SETD6: variants seen among roughly 807,000 people sequenced by gnomAD.
The protein encoded by SETD6 is N-lysine methyltransferase SETD6.
SETD6 carries 67 observed loss-of-function variants against 52.7 expected under a neutral mutation model. The observed-to-expected ratio is 1.27, with a 90% CI of 1.04 to 1.56. The LOEUF is 1.56. SETD6 is among the 40% of genes most tolerant of loss of function. The probability of loss-of-function intolerance (pLI) is 0.00; values close to 1 mark genes in which losing one functional copy is unlikely to be tolerated. For synonymous variants in SETD6, 307 were observed against 250.2 expected, an observed-to-expected ratio of 1.23 and a Z score of -2.14; for missense variants, 712 against 607.5, an observed-to-expected ratio of 1.17 and a Z score of -1.81.
At chr16:58,517,898 T>C in intron 5 of SETD6, 153 bp from the exon 6 acceptor site, 1 of 881,316 alleles carries the variant, frequency 1.1e-6, no homozygotes, top group Non-Finnish European at 1.7e-6. Flanking sequence ...TTTCACAGTT[T>C]AGGGTCTAAC....
In SETD6 at chr16:58,523,315, AG is replaced by A; in HGVS notation, c.*4287del. On this transcript the variant is annotated 3_prime_UTR_variant, in exon 8 of 8. Coordinates refer to ENST00000219315, the MANE Select transcript of SETD6 (RefSeq NM_001160305.4). ...TGAAAGCATAAAGAGGAAAAAAAAA[AG>A]ATGAAAGGGAGGAGATCCTTTTGAA... 1 of 1,514,044 alleles carries A rather than the reference AG, an allele frequency of 6.6e-7. No homozygotes were observed. The highest frequency in any genetic ancestry group is 8.9e-7 in the Non-Finnish European group (1 of 1,126,420). 93.8% of individuals were successfully genotyped at this position (1,514,044 alleles called of 1,614,324 possible). A position where few individuals can be genotyped will look rare whatever the true frequency, so the allele number is the denominator to read the frequency against.
chr16:58,516,881 A>T lies in SETD6; in HGVS notation c.745A>T (p.Ile249Leu). 2.5e-6 allele frequency: 4 copies of T among 1,614,212 alleles called. No homozygotes were observed. In the South Asian group the frequency reaches 4.4e-5, roughly 18 times the overall value. Residue 249 changes from isoleucine to leucine, a missense_variant, in exon 5 of 8, where the codon ATA (isoleucine) becomes TTA (leucine). Transcript: ENST00000219315. The part of the protein sequence containing the change: ...NSPVMVPAAD[I>L]LNHLANHNAN... ...CCCCGTGATGGTGCCTGCTGCAGACATACTAAACCACTTAGCCAATCACAA... is the reference window on the plus strand; with the variant it reads ...CCCCGTGATGGTGCCTGCTGCAGACTTACTAAACCACTTAGCCAATCACAA...
At chr16:58,516,126 G>C in intron 2 of SETD6, 29 bp downstream of exon 2, 1 of 1,135,170 alleles carries the variant, frequency 8.8e-7, no homozygotes, top group Non-Finnish European at 1.1e-6. Flanking sequence ...TAGGGCCCTG[G>C]GGCGGGGCGG....
chr16:58,516,111 C>A lies in SETD6; in HGVS notation c.334+14C>A, dbSNP rs1335934481. On this transcript the variant is annotated intron_variant, in intron 2 of 7. Transcript: ENST00000219315. ...TGCTGGAGCGAGGTGGGCACGGCGG[C>A]GGGCTAGGGCCCTGGGGCGGGGCGG... The A allele has an allele frequency of 1.5e-5, 12 of 816,466 alleles. No individual in the cohort carries two copies. The South Asian group carries it at 3.1e-4, about 21-fold the overall frequency. The allele number at this position is 816,466 out of a possible 1,614,324, so 50.6% of individuals were successfully genotyped here.
At chr16:58,517,895 G>A (rs1052240648) in intron 5 of SETD6, 156 bp from the exon 6 acceptor site, 2 of 870,370 alleles carry the variant, frequency 2.3e-6, no homozygotes, top group South Asian at 1.7e-5. Flanking sequence ...TTGTTTCACA[G>A]TTTAGGGTCT....
chr16:58,518,498 G>T lies in SETD6; in HGVS notation c.1071G>T (p.Gly357=). Residue 357 remains glycine, a synonymous_variant, in exon 7 of 8, where the codon GGG becomes GGT. Coordinates refer to ENST00000219315, the MANE Select transcript of SETD6 (RefSeq NM_001160305.4). The part of the protein sequence containing the change: ...MVGEEGAFVI[G]REEVLTEEEL... Reference sequence around the variant, plus strand: ...GGGAAGAGGGAGCCTTTGTGATAGGGAGGGAGGAGGTGCTGACTGAAGAGG... The same window carrying T: ...GGGAAGAGGGAGCCTTTGTGATAGGTAGGGAGGAGGTGCTGACTGAAGAGG... 1 of 1,592,730 alleles carries T rather than the reference G, an allele frequency of 6.3e-7. No individual in the cohort carries two copies. The highest frequency in any genetic ancestry group is 8.5e-7 in the Non-Finnish European group (1 of 1,175,220).
rs375646324 is a variant in SETD6, at chr16:58,518,032, C to T, written c.793-19C>T. ...TGGCCCGTGAAAGGCATGGCCCCAGCTTCTCCCTTTCACCTCAGAATTGTC... is the reference window on the plus strand; with the variant it reads ...TGGCCCGTGAAAGGCATGGCCCCAGTTTCTCCCTTTCACCTCAGAATTGTC... On this transcript the variant is annotated intron_variant, in intron 5 of 7. Transcript: ENST00000219315. 272 of 1,614,110 alleles carry T rather than the reference C, an allele frequency of 1.7e-4. 4 individuals are homozygous for T. Among genetic ancestry groups the T allele is most frequent in the South Asian group, 1.2e-3 (108 of 91,084 alleles).
chr16:58,515,756 G>C (rs1190234041), intron 1 of SETD6, 35 bp from the exon 2 acceptor site: 2 of 1,433,108 alleles, frequency 1.4e-6, no homozygotes, highest in Admixed American at 2.8e-5. Flanking sequence ...GCCTCTCTGG[G>C]GGTCGGACCT....
chr16:58,521,158 C>T lies in SETD6; in HGVS notation c.*2129C>T, dbSNP rs762690637. On this transcript the variant is annotated 3_prime_UTR_variant, in exon 8 of 8. Coordinates refer to ENST00000219315, the MANE Select transcript of SETD6 (RefSeq NM_001160305.4). ...TTCAGTCTCCAGTCTCATTCCTAGA[C>T]AATTAAAAATTACTTTGAACTCACT... 1.9e-6 allele frequency: 3 copies of T among 1,612,918 alleles called. No homozygotes were observed.
Position 58,516,474 on chromosome 16 carries a change from G to A in SETD6, c.477-4G>A. 1 of 1,613,906 alleles carries A rather than the reference G, an allele frequency of 6.2e-7. No individual in the cohort carries two copies. On this transcript the variant is annotated splice_polypyrimidine_tract_variant and splice_region_variant and intron_variant, in intron 3 of 7. Transcript: ENST00000219315. ...AGGGAACCTGGGTGTGGGTGTCCCTGCAGGCCAGAGGAGGAGCGCCGGTGC... is the reference window on the plus strand; with the variant it reads ...AGGGAACCTGGGTGTGGGTGTCCCTACAGGCCAGAGGAGGAGCGCCGGTGC...
In SETD6 at chr16:58,515,818, C is replaced by G. The variant is rs914072542; in HGVS notation, c.55C>G (p.Leu19Val). Residue 19 changes from leucine to valine, a missense_variant, in exon 2 of 8, where the codon CTG becomes GTG. Transcript: ENST00000219315. ...GGCGGGGCCCGTGGACGGCGGCGAC[C>G]TGGATCCTGTGGCCTGCTTCCTGAG... ...RVAGPVDGGD[L>V]DPVACFLSWC... The G allele has an allele frequency of 1.3e-6, 2 of 1,535,142 alleles. No individual in the cohort carries two copies. Among genetic ancestry groups the G allele is most frequent in the Non-Finnish European group, 1.7e-6 (2 of 1,150,034 alleles).
rs1473560414 is a variant in SETD6, at chr16:58,520,195, T to C, written c.*1166T>C. ...AATTAATTAATGAGATTTGGTTCCCTTTCCTATATTCCCACTGTTTTTAAG... is the reference window on the plus strand; with the variant it reads ...AATTAATTAATGAGATTTGGTTCCCCTTCCTATATTCCCACTGTTTTTAAG... On this transcript the variant is annotated 3_prime_UTR_variant, in exon 8 of 8. Transcript: ENST00000219315. 1.3e-5 allele frequency: 2 copies of C among 152,168 alleles called. No homozygotes were observed. The highest frequency in any genetic ancestry group is 4.8e-5 in the African/African-American group (2 of 41,420). The allele number at this position is 152,168 out of a possible 1,614,324, so 9.4% of individuals were successfully genotyped here. A position where few individuals can be genotyped will look rare whatever the true frequency, so the allele number is the denominator to read the frequency against.
In SETD6 at chr16:58,516,269, G is replaced by A; in HGVS notation, c.402G>A (p.Gln134=). Residue 134 remains glutamine, a synonymous_variant, in exon 3 of 8, where the codon CAG becomes CAA. Transcript: ENST00000219315. ...PLLLALLHEL[Q]APASRWRPYF... is the part of the protein sequence containing the mutation. ...TGCTGGCGCTGCTCCACGAGCTGCAGGCCCCGGCCTCACGCTGGAGGCCCT... is the reference window on the plus strand; with the variant it reads ...TGCTGGCGCTGCTCCACGAGCTGCAAGCCCCGGCCTCACGCTGGAGGCCCT... 1.2e-6 allele frequency: 2 copies of A among 1,602,000 alleles called. No homozygotes were observed. The highest frequency in any genetic ancestry group is 1.8e-4 in the Middle Eastern group (1 of 5,456).
chr16:58,517,535 G>A (rs543587731), intron 5 of SETD6: 2 of 180,648 alleles, frequency 1.1e-5, no homozygotes, highest in Non-Finnish European at 2.4e-5. Flanking sequence ...GTGCAGTGGC[G>A]TGATCTCGGC....
Position 58,519,638 on chromosome 16 carries a change from A to ATTTTC in SETD6, c.*613_*617dup, listed in dbSNP as rs1049475992. On this transcript the variant is annotated 3_prime_UTR_variant, in exon 8 of 8. Coordinates refer to ENST00000219315, the MANE Select transcript of SETD6 (RefSeq NM_001160305.4). ...TAAGTTTTTAAATACGTATCTACTC[A>ATTTTC]TTTTCTTTAAAAAAAAAAAAAAAAT... 4 of 128,088 alleles carry ATTTTC rather than the reference A, an allele frequency of 3.1e-5. No individual in the cohort carries two copies. Among genetic ancestry groups the ATTTTC allele is most frequent in the African/African-American group, 1.0e-4 (4 of 38,272 alleles). 7.9% of individuals were successfully genotyped at this position (128,088 alleles called of 1,614,324 possible).
At position 58,521,658 on chromosome 16, in the gene SETD6, G is replaced by C. The variant is rs945415306; in HGVS notation, c.*2629G>C. 1.3e-5 allele frequency among the ~76,000 whole-genome samples: 2 copies of C among 152,202 alleles called. No individual in the cohort carries two copies. Among genetic ancestry groups the C allele is most frequent in the Non-Finnish European group, 2.9e-5 (2 of 68,032 alleles). On this transcript the variant is annotated 3_prime_UTR_variant, in exon 8 of 8. Coordinates refer to ENST00000219315, the MANE Select transcript of SETD6 (RefSeq NM_001160305.4). Reference sequence around the variant, plus strand: ...TTAGTACAAAAAGTAGTAATTTCCAGAATGAGCTCCCAGGCCGGGCACAGT... The same window carrying C: ...TTAGTACAAAAAGTAGTAATTTCCACAATGAGCTCCCAGGCCGGGCACAGT...
Position 58,521,116 on chromosome 16 carries a change from C to T in SETD6, c.*2087C>T. The T allele has an allele frequency of 6.2e-7, 1 of 1,613,098 alleles. No homozygotes were observed. Among genetic ancestry groups the T allele is most frequent in the Non-Finnish European group, 8.5e-7 (1 of 1,179,264 alleles). ...CTTGCATCTCATTCAGCTGACCCAA[C>T]CTAGAGACAGATGGTTTTCAGTCTC... is the stretch of plus-strand genomic sequence containing the variant. On this transcript the variant is annotated 3_prime_UTR_variant, in exon 8 of 8. Coordinates refer to ENST00000219315, the MANE Select transcript of SETD6 (RefSeq NM_001160305.4).
chr16:58,521,219 T>C lies in SETD6; in HGVS notation c.*2190T>C. 6.2e-7 allele frequency: 1 copy of C among 1,614,158 alleles called. No homozygotes were observed. On this transcript the variant is annotated 3_prime_UTR_variant, in exon 8 of 8. Coordinates refer to ENST00000219315, the MANE Select transcript of SETD6 (RefSeq NM_001160305.4). Reference sequence around the variant, plus strand: ...TGGGGCACAGTGTACAAATTCATGGTTCCAGAACTTAAACGCTGGGTTTTT... The same window carrying C: ...TGGGGCACAGTGTACAAATTCATGGCTCCAGAACTTAAACGCTGGGTTTTT...
Position 58,516,280 on chromosome 16 carries a change from C to A in SETD6, c.413C>A (p.Ser138Ter). Residue 138 changes from serine (S) to a stop codon, truncating the protein, a stop_gained, in exon 3 of 8, where the codon TCA (serine) becomes TAA (stop). Coordinates refer to ENST00000219315, the MANE Select transcript of SETD6 (RefSeq NM_001160305.4). LOFTEE classifies it high-confidence loss of function. ...CTCCACGAGCTGCAGGCCCCGGCCT[C>A]ACGCTGGAGGCCCTACTTTGCGCTC... ...ALLHELQAPA[S>*]RWRPYFALWP... The A allele has an allele frequency of 6.2e-7, 1 of 1,603,594 alleles. No homozygotes were observed. Among genetic ancestry groups the A allele is most frequent in the East Asian group, 2.2e-5 (1 of 44,848 alleles).
Sources: gnomAD v4.1 joint callset for allele counts (sites outside exome capture counted in the v4.1 genomes callset) on GRCh38, gnomAD v4.1.1 for gene constraint, MANE v1.5 for transcripts, NCBI Gene and HGNC (gene_info 2026-07-23, HGNC 2026-07-21) for gene names.